ABHD12: variants seen among roughly 807,000 people sequenced by gnomAD.
ABHD12 encodes the protein lysophosphatidylserine lipase ABHD12.
A neutral mutation model predicts 58.3 loss-of-function variants in ABHD12; 43 were observed. The observed-to-expected ratio is 0.74, with a 90% CI of 0.58 to 0.95. The LOEUF (loss-of-function observed/expected upper bound fraction) is 0.95, where lower values mean the gene tolerates loss of function less well. Ranked by LOEUF, ABHD12 falls within the 40% of genes least tolerant of loss-of-function variation. The pLI, the probability that ABHD12 is intolerant of heterozygous loss-of-function variation, is 0.00. For synonymous variants in ABHD12, 219 were observed against 211.2 expected (o/e 1.04, Z -0.32); for missense variants, 539 against 537.2 (o/e 1.00, Z -0.03).
At chr20:25,345,166 A>G (rs2089502285) in intron 1 of ABHD12, among the ~76,000 whole-genome samples, 1 of 151,990 alleles carries the variant, frequency 6.6e-6, no homozygotes. Flanking sequence ...GCTCACTGCA[A>G]CCTTTGCCTC....
intron 1 of ABHD12, 88 bp downstream of exon 1, chr20:25,390,425 T>G: frequency 1.6e-6 from 2 of 1,237,644 alleles, no homozygotes; most frequent in Non-Finnish European, 2.0e-6. Flanking sequence ...TGGGAGGGGC[T>G]GGGAGGTACC....
chr20:25,358,497 T>G (rs1217755009), intron 1 of ABHD12, among the ~76,000 whole-genome samples: 2 of 152,246 alleles, frequency 1.3e-5, no homozygotes, highest in East Asian at 3.8e-4. Flanking sequence ...CTAACATTAC[T>G]GCCTGTTTCC....
rs1201588127 is a variant in ABHD12, at chr20:25,383,954, CAAAAAAAA to C, written c.191+6551_191+6558del. ...TGGGCAACAGAGGGAGACTCTTTCT[CAAAAAAAA>C]AAAAAAAAAAAAGAAAAAAAAGAAA... On this transcript the variant is annotated intron_variant, in intron 1 of 12. Coordinates refer to ENST00000339157, the MANE Select transcript of ABHD12 (RefSeq NM_001042472.3). Among the ~76,000 whole-genome samples the C allele has an allele frequency of 2.8e-3, 149 of 53,368 alleles. 2 individuals carry two copies. The highest frequency in any genetic ancestry group is 7.4e-3 in the African/African-American group (136 of 18,408). 35.0% of individuals were successfully genotyped at this position (53,368 alleles called of 152,430 possible).
chr20:25,385,331 C>CAAAAAAAA, intron 1 of ABHD12, among the ~76,000 whole-genome samples: 1 of 51,726 alleles, frequency 1.9e-5, no homozygotes, highest in Non-Finnish European at 3.4e-5. Flanking sequence ...GAGTGAGACT[C>CAAAAAAAA]AAAAAAAAAA....
At chr20:25,335,525 T>G (rs1385474445) in intron 2 of ABHD12, among the ~76,000 whole-genome samples, 1 of 128,978 alleles carries the variant, frequency 7.8e-6, no homozygotes, top group Non-Finnish European at 1.6e-5. Flanking sequence ...TATTGCGGCA[T>G]TATTCACAAT....
intron 1 of ABHD12, among the ~76,000 whole-genome samples, chr20:25,361,100 CA>C (rs2089740885): frequency 6.6e-6 from 1 of 152,230 alleles, no homozygotes; most frequent in South Asian, 2.1e-4. Flanking sequence ...ACCGCCCCTG[CA>C]ATCCCACGCT....
intron 4 of ABHD12, among the ~76,000 whole-genome samples, chr20:25,319,162 G>A (rs1377807812): frequency 6.6e-6 from 1 of 152,214 alleles, no homozygotes; most frequent in Non-Finnish European, 1.5e-5. Flanking sequence ...AGACCTTGGT[G>A]GTTTTCAAAC....
chr20:25,337,124 G>A (rs1009715666), intron 2 of ABHD12, among the ~76,000 whole-genome samples: 2 of 152,134 alleles, frequency 1.3e-5, no homozygotes, highest in African/African-American at 4.8e-5. Context: ...TTAGCCAGAC[G>A]TTGTGGTGGT....
At chr20:25,358,965 A>T (rs2089704155) in intron 1 of ABHD12, among the ~76,000 whole-genome samples, 1 of 152,194 alleles carries the variant, frequency 6.6e-6, no homozygotes, top group African/African-American at 2.4e-5. Context: ...CAGTGTGAAA[A>T]GTTATAACCA....
downstream of ABHD12, among the ~76,000 whole-genome samples, chr20:25,298,751 A>G (rs1323872609): frequency 6.6e-6 from 1 of 152,176 alleles, no homozygotes; most frequent in Non-Finnish European, 1.5e-5. Context: ...AGATTAAGAA[A>G]TCAGGAGAAA....
intron 1 of ABHD12, among the ~76,000 whole-genome samples, chr20:25,346,586 G>A (rs894764551): frequency 1.2e-4 from 18 of 152,082 alleles, no homozygotes; most frequent in African/African-American, 4.1e-4. Context: ...GGAGTGTATG[G>A]GAAATTCTGT....
intron 1 of ABHD12, among the ~76,000 whole-genome samples, chr20:25,344,468 A>C (rs2089493232): frequency 6.6e-6 from 1 of 152,354 alleles, no homozygotes; most frequent in East Asian, 1.9e-4. Flanking sequence ...TACAAATCTA[A>C]CAAAATATGT....
intron 2 of ABHD12, among the ~76,000 whole-genome samples, chr20:25,329,679 T>G (rs1476367860): frequency 1.3e-5 from 2 of 152,166 alleles, no homozygotes; most frequent in Admixed American, 6.5e-5. Flanking sequence ...GCTGAGGGTC[T>G]GAACAGGGGG....
intron 12 of ABHD12, chr20:25,295,099 G>T: frequency 6.8e-7 from 1 of 1,477,610 alleles, no homozygotes; most frequent in Non-Finnish European, 9.5e-7. Context: ...TGACTCGATA[G>T]TGAACAGAAA....
intron 7 of ABHD12, 37 bp from the exon 8 acceptor site, chr20:25,308,531 T>C: frequency 1.3e-6 from 2 of 1,589,896 alleles, no homozygotes; most frequent in Non-Finnish European, 1.7e-6. Flanking sequence ...TGAGTTATGA[T>C]AAAATTGTTT....
chr20:25,330,632 G>A (rs1484376274), intron 2 of ABHD12, among the ~76,000 whole-genome samples: 1 of 152,228 alleles, frequency 6.6e-6, no homozygotes, highest in Non-Finnish European at 1.5e-5. Flanking sequence ...CGGGCAGAAT[G>A]CCTCCTCAAG....
At chr20:25,349,466 A>G (rs948953288) in intron 1 of ABHD12, among the ~76,000 whole-genome samples, 2 of 152,244 alleles carry the variant, frequency 1.3e-5, no homozygotes, top group Non-Finnish European at 2.9e-5. Context: ...TATTCATAAT[A>G]GTCAAAAGGT....
At chr20:25,386,087 C>T (rs1011824240) in intron 1 of ABHD12, among the ~76,000 whole-genome samples, 44 of 151,038 alleles carry the variant, frequency 2.9e-4, no homozygotes, top group African/African-American at 1.0e-3. Context: ...GGTGATGCAG[C>T]GAGACTCCGT....
chr20:25,362,494 A>C (rs1010630814), intron 1 of ABHD12, among the ~76,000 whole-genome samples: 6 of 148,142 alleles, frequency 4.1e-5, no homozygotes, highest in African/African-American at 1.5e-4. Context: ...TGAACCCCGG[A>C]AATGGAGGTT....
Sources: allele counts gnomAD v4.1 joint callset (sites outside exome capture counted in the v4.1 genomes callset), GRCh38; gene constraint gnomAD v4.1.1; transcripts MANE v1.5; gene names NCBI Gene and HGNC (gene_info 2026-07-23, HGNC 2026-07-21).